Variants in SIMC1 observed in about 807,000 individuals in gnomAD.
SIMC1 encodes the protein SUMO-interacting motif-containing protein 1.
In SIMC1, 55 loss-of-function variants were observed where a neutral mutation model predicts 82.3. That is an observed-to-expected ratio of 0.67 (90% CI 0.54 to 0.84). SIMC1 has a LOEUF of 0.84. Ranked by LOEUF, SIMC1 falls within the 40% of genes least tolerant of loss-of-function variation. SIMC1 has a pLI of 0.00. For synonymous variants in SIMC1, 353 were observed against 426.3 expected (o/e 0.83, Z 2.12); for missense variants, 915 against 1,107.2 (o/e 0.83, Z 2.46).
chr5:176,256,355 T>TAC (rs1490050047), intron 1 of SIMC1, among the ~76,000 whole-genome samples: 2 of 151,058 alleles, frequency 1.3e-5, no homozygotes, highest in Non-Finnish European at 2.9e-5. Flanking sequence ...TAGACATACT[T>TAC]ATAAGTAAGT....
chr5:176,259,462 T>A (rs999446860), intron 1 of SIMC1, among the ~76,000 whole-genome samples: 24 of 149,454 alleles, frequency 1.6e-4, no homozygotes, highest in African/African-American at 5.2e-4. Context: ...AAAAAAAAAA[T>A]TATAAACATT....
intron 1 of SIMC1, among the ~76,000 whole-genome samples, chr5:176,257,305 A>G (rs1761879203): frequency 6.6e-6 from 1 of 152,180 alleles, no homozygotes; most frequent in African/African-American, 2.4e-5. Context: ...AGACTTTTAT[A>G]TAAAAATTTT....
intron 1 of SIMC1, chr5:176,263,583 A>G (rs376233444): frequency 7.6e-7 from 1 of 1,321,144 alleles, no homozygotes; most frequent in Non-Finnish European, 1.0e-6. Context: ...AACTGGCTCA[A>G]TCCCTTGAGA....
chr5:176,340,297 C>CG (rs1387399635), intron 9 of SIMC1, among the ~76,000 whole-genome samples: 1 of 152,104 alleles, frequency 6.6e-6, no homozygotes, highest in Non-Finnish European at 1.5e-5. Flanking sequence ...GTTCTTTGGC[C>CG]GAGAGAATCA....
At chr5:176,285,858 C>G (rs1263520924) in intron 1 of SIMC1, among the ~76,000 whole-genome samples, 1 of 152,010 alleles carries the variant, frequency 6.6e-6, no homozygotes, top group Admixed American at 6.6e-5. Context: ...GACAGAGAGC[C>G]AAATCATGAG....
chr5:176,272,741 C>T (rs1325900006), intron 1 of SIMC1, among the ~76,000 whole-genome samples: 1 of 152,232 alleles, frequency 6.6e-6, no homozygotes, highest in African/African-American at 2.4e-5. Flanking sequence ...CACCCTAATA[C>T]TGTGCTTTTC....
chr5:176,270,262 G>C (rs1265674403), intron 1 of SIMC1: 2 of 152,118 alleles, frequency 1.3e-5, no homozygotes, highest in South Asian at 4.1e-4. Flanking sequence ...TTGACAAAAT[G>C]TAATAGCTCT....
At chr5:176,289,432 A>G (rs912012207) in intron 1 of SIMC1, among the ~76,000 whole-genome samples, 3 of 151,932 alleles carry the variant, frequency 2.0e-5, no homozygotes, top group Non-Finnish European at 4.4e-5. Flanking sequence ...AAAAAATCCC[A>G]CTGTGATCCT....
At chr5:176,256,998 C>G (rs1761868125) in intron 1 of SIMC1, among the ~76,000 whole-genome samples, 1 of 152,184 alleles carries the variant, frequency 6.6e-6, no homozygotes, top group South Asian at 2.1e-4. Context: ...CTCAAGTGGT[C>G]CTACCACATT....
rs534222938 is a variant in SIMC1, at chr5:176,248,465, G to T, written c.129+9828G>T. 9.5e-4 allele frequency among the ~76,000 whole-genome samples: 145 copies of T among 152,248 alleles called. 1 individual carries two copies. The highest frequency in any genetic ancestry group is 3.4e-3 in the African/African-American group (141 of 41,576). ...CTTTTGCACATTGATTTTGTATCCT[G>T]AGACTTTGCTGAAGTTGCTTATCAG... is the stretch of plus-strand genomic sequence containing the variant. On this transcript the variant is annotated intron_variant, in intron 1 of 9. Transcript: ENST00000429602.
At chr5:176,242,962 C>CT (rs1198913951) in intron 1 of SIMC1, among the ~76,000 whole-genome samples, 1 of 151,978 alleles carries the variant, frequency 6.6e-6, no homozygotes, top group Non-Finnish European at 1.5e-5. Context: ...TTCTTTTAAT[C>CT]TTTGCTGTTT....
chr5:176,257,664 TGGGGAATACATACATATGTACG>T lies in SIMC1; in HGVS notation c.129+19028_129+19049del, dbSNP rs1561674201. 3.9e-5 allele frequency among the ~76,000 whole-genome samples: 6 copies of T among 152,298 alleles called. No individual in the cohort carries two copies. In the South Asian group the frequency reaches 1.2e-3, roughly 32 times the overall value. On this transcript the variant is annotated intron_variant, in intron 1 of 9. Coordinates refer to ENST00000429602, the MANE Select transcript of SIMC1 (RefSeq NM_001308195.2). ...ACCTTGGGGATTACAATTCAACATA[TGGGGAATACATACATATGTACG>T]TATGTGTCTCCTTACTATTTTTCCC...
chr5:176,258,017 G>A (rs570578103), intron 1 of SIMC1, among the ~76,000 whole-genome samples: 82 of 152,282 alleles, frequency 5.4e-4, no homozygotes, highest in African/African-American at 1.9e-3. Context: ...TTAATTAAAG[G>A]AGAGTTAATG....
Position 176,289,894 on chromosome 5 carries a change from A to C in SIMC1, c.370A>C (p.Ile124Leu), listed in dbSNP as rs2560198. 107 of 1,613,868 alleles carry C rather than the reference A, an allele frequency of 6.6e-5. 1 individual carries two copies. Among genetic ancestry groups the C allele is most frequent in the African/African-American group, 3.3e-4 (25 of 75,010 alleles). Residue 124 changes from isoleucine (I) to leucine (L), a missense_variant, in exon 2 of 10, where the codon ATC (isoleucine) becomes CTC (leucine). Around this residue, in one of 2 missense-constraint regions of SIMC1, gnomAD observed 902 missense variants for 1,040.3 expected, o/e 0.87. Transcript: ENST00000429602. ...DRSSQPTARR[I>L]INSDPVDLDL... ...AAGCTCTCAGCCTACAGCACGGAGAATCATTAACAGTGATCCTGTAGATTT... is the reference window on the plus strand; with the variant it reads ...AAGCTCTCAGCCTACAGCACGGAGACTCATTAACAGTGATCCTGTAGATTT...
chr5:176,302,423 A>G (rs1219762465), intron 4 of SIMC1, among the ~76,000 whole-genome samples: 1 of 152,180 alleles, frequency 6.6e-6, no homozygotes, highest in Non-Finnish European at 1.5e-5. Context: ...TCAACATAAT[A>G]AGGGCCATAT....
intron 1 of SIMC1, among the ~76,000 whole-genome samples, chr5:176,241,573 C>CGGGGA (rs1761276199): frequency 2.0e-5 from 3 of 151,820 alleles, no homozygotes; most frequent in African/African-American, 7.3e-5. Context: ...GTAGCTAACC[C>CGGGGA]TTGAAGAACA....
intron 4 of SIMC1, among the ~76,000 whole-genome samples, chr5:176,310,729 A>T (rs910753396): frequency 2.0e-5 from 3 of 152,176 alleles, no homozygotes; most frequent in African/African-American, 7.2e-5. Flanking sequence ...TATGATTATG[A>T]TGATTATGAT....
chr5:176,318,511 C>T (rs900737081), intron 5 of SIMC1, among the ~76,000 whole-genome samples: 4 of 151,886 alleles, frequency 2.6e-5, no homozygotes, highest in African/African-American at 9.7e-5. Flanking sequence ...CTTTTCCAGT[C>T]TTCATCATAA....
At position 176,276,026 on chromosome 5, in the gene SIMC1, G is replaced by A. The variant is rs1174355292; in HGVS notation, c.130-13628G>A. Reference sequence around the variant, plus strand: ...AGGATTCCCTCATTTTCTATTGATTGGAATAGTTTCAGAAGGAATGGTACC... The same window carrying A: ...AGGATTCCCTCATTTTCTATTGATTAGAATAGTTTCAGAAGGAATGGTACC... On this transcript the variant is annotated intron_variant, in intron 1 of 9. Transcript: ENST00000429602. Among the ~76,000 whole-genome samples the A allele has an allele frequency of 3.3e-5, 5 of 151,552 alleles. No homozygotes were observed. In the East Asian group the frequency reaches 7.7e-4, roughly 23 times the overall value.
Sources: allele counts gnomAD v4.1 joint callset (sites outside exome capture counted in the v4.1 genomes callset), GRCh38; gene constraint gnomAD v4.1.1; regional missense constraint gnomAD v4.1.1; transcripts MANE v1.5; gene names NCBI Gene and HGNC (gene_info 2026-07-23, HGNC 2026-07-21).